Variants in KMT2E observed in about 807,000 individuals in gnomAD.
KMT2E encodes lysine methyltransferase 2E (inactive), also known as histone reader KMT2E.
A neutral mutation model predicts 184.6 loss-of-function variants in KMT2E; 30 were observed. The ratio of observed to expected loss-of-function variants is 0.16; its 90% CI spans 0.12 to 0.22. KMT2E has a LOEUF of 0.22. Ranked by LOEUF, KMT2E falls within the 10% of genes least tolerant of loss-of-function variation. The probability of loss-of-function intolerance (pLI) is 1.00; values close to 1 mark genes in which losing one functional copy is unlikely to be tolerated. For synonymous variants in KMT2E, 815 were observed against 776.5 expected, an observed-to-expected ratio of 1.05 and a Z score of -0.82; for missense variants, 2,023 against 2,237.4, an observed-to-expected ratio of 0.90 and a Z score of 1.93.
At chr7:105,016,877 A>G (rs1380905812) in intron 1 of KMT2E, among the ~76,000 whole-genome samples, 1 of 152,246 alleles carries the variant, frequency 6.6e-6, no homozygotes, top group Non-Finnish European at 1.5e-5. Flanking sequence ...AATTAGAGAA[A>G]TAACTGGCTC....
At chr7:105,022,398 G>T (rs1007064676) in intron 1 of KMT2E, among the ~76,000 whole-genome samples, 1 of 151,810 alleles carries the variant, frequency 6.6e-6, no homozygotes, top group African/African-American at 2.4e-5. Context: ...TGGTCTTAAG[G>T]TTTCTTCATT....
intron 6 of KMT2E, among the ~76,000 whole-genome samples, chr7:105,068,631 T>C (rs896165225): frequency 7.4e-6 from 1 of 135,180 alleles, no homozygotes; most frequent in Non-Finnish European, 1.5e-5. Context: ...GTGGTTTTTT[T>C]TTTTTTTGTT....
At chr7:105,027,252 TA>T (rs978753111) in intron 1 of KMT2E, among the ~76,000 whole-genome samples, 2 of 151,868 alleles carry the variant, frequency 1.3e-5, no homozygotes, top group African/African-American at 4.8e-5. Flanking sequence ...CTGGCTAATT[TA>T]AAACAAATTT....
Position 105,077,038 on chromosome 7 carries a change from G to A in KMT2E, c.844G>A (p.Asp282Asn). The change falls in exon 10 of 27, where the codon GAT (aspartate) becomes AAT (asparagine). Residue 282 changes from aspartate (D) to asparagine (N), a missense_variant. Physicochemically the swap from Asp to Asn is conservative, Grantham distance 23 (BLOSUM62 1). Coordinates refer to ENST00000311117, the MANE Select transcript of KMT2E (RefSeq NM_182931.3). ...GWETKIKAWMDRYEEANNNQY... is the reference protein window; with the variant it reads ...GWETKIKAWMNRYEEANNNQY... ...GGAGACAAAGATCAAAGCATGGATG[G>A]ATCGATATGAAGAAGCAAATAACAA... 1.2e-6 allele frequency: 2 copies of A among 1,613,922 alleles called. No individual in the cohort carries two copies. The highest frequency in any genetic ancestry group is 1.7e-6 in the Non-Finnish European group (2 of 1,179,970).
intron 6 of KMT2E, among the ~76,000 whole-genome samples, chr7:105,068,709 A>T (rs995722509): frequency 4.1e-5 from 6 of 145,348 alleles, no homozygotes; most frequent in African/African-American, 1.6e-4. Context: ...TCTTGGGCTC[A>T]AGCAATCTTC....
chr7:105,075,178 T>C (rs1797477851), intron 8 of KMT2E, among the ~76,000 whole-genome samples: 1 of 151,734 alleles, frequency 6.6e-6, no homozygotes, highest in Admixed American at 6.6e-5. Context: ...ACATAACGGT[T>C]CTTTGCCTCC....
At chr7:105,104,711 C>T (rs1432550298) in intron 17 of KMT2E, 1 of 152,010 alleles carries the variant, frequency 6.6e-6, no homozygotes, top group African/African-American at 2.4e-5. Flanking sequence ...GTGCACTGTC[C>T]TCATCTCCAG....
At chr7:105,022,068 T>C (rs1290574061) in intron 1 of KMT2E, among the ~76,000 whole-genome samples, 3 of 152,176 alleles carry the variant, frequency 2.0e-5, no homozygotes, top group Non-Finnish European at 2.9e-5. Flanking sequence ...TTGCCAGTAG[T>C]ACTAGCCCCC....
chr7:105,082,172 C>G (rs975635679), intron 13 of KMT2E, among the ~76,000 whole-genome samples: 4 of 152,060 alleles, frequency 2.6e-5, no homozygotes, highest in African/African-American at 9.7e-5. Flanking sequence ...CCCCTCAAAA[C>G]AAAAGAAAAT....
intron 17 of KMT2E, chr7:105,104,800 A>G (rs1346297935): frequency 6.6e-6 from 1 of 152,196 alleles, no homozygotes; most frequent in Non-Finnish European, 1.5e-5. Context: ...TCTTATACCT[A>G]TAATAGAAGC....
intron 1 of KMT2E, among the ~76,000 whole-genome samples, chr7:105,018,242 A>G (rs1413058389): frequency 1.3e-5 from 2 of 152,228 alleles, no homozygotes; most frequent in South Asian, 2.1e-4. Flanking sequence ...TTAAATGTGT[A>G]CAACCATAGT....
rs1443149193 is a variant in KMT2E at position 105,090,246 on chromosome 7, A to G, written c.1596A>G (p.Pro532=). 2.7e-5 allele frequency: 43 copies of G among 1,600,942 alleles called. No individual in the cohort carries two copies. The highest frequency in any genetic ancestry group is 3.1e-5 in the Non-Finnish European group (37 of 1,176,806). Residue 532 remains proline, a synonymous_variant, in exon 14 of 27, where the codon CCA becomes CCG. Transcript: ENST00000311117. Reference sequence around the variant, plus strand: ...AAACTAAACAAAGAAAGCTTTCTCCACTGAGACTATCAGTATCAAATAATC... The same window carrying G: ...AAACTAAACAAAGAAAGCTTTCTCCGCTGAGACTATCAGTATCAAATAATC... ...SPETKQRKLS[P]LRLSVSNNQE...
At chr7:105,017,716 G>A (rs559409354) in intron 1 of KMT2E, among the ~76,000 whole-genome samples, 1 of 152,144 alleles carries the variant, frequency 6.6e-6, no homozygotes, top group Admixed American at 6.5e-5. Context: ...AGGATTAGTT[G>A]TTTATCTGTT....
At chr7:105,103,854 G>T (rs1274845760) in intron 17 of KMT2E, 4 of 134,084 alleles carry the variant, frequency 3.0e-5, no homozygotes, top group African/African-American at 5.9e-5. Context: ...TTGAGATGGA[G>T]TTTCGCTCTG....
In KMT2E at chr7:105,112,258, C is replaced by T. The variant is rs1171237438; in HGVS notation, c.4502C>T (p.Pro1501Leu). 6.2e-7 allele frequency: 1 copy of T among 1,614,156 alleles called. No homozygotes were observed. Among genetic ancestry groups the T allele is most frequent in the East Asian group, 2.2e-5 (1 of 44,886 alleles). ...CGAGAGCCTCAAAGAAACTTTTATCCAGCAGCACAGAACCTTCCAGCCAAT... is the reference window on the plus strand; with the variant it reads ...CGAGAGCCTCAAAGAAACTTTTATCTAGCAGCACAGAACCTTCCAGCCAAT... ...PQREPQRNFY[P>L]AAQNLPANTQ... The change falls in exon 27 of 27, where the codon CCA becomes CTA. Residue 1501 changes from proline (P) to leucine (L), a missense_variant. Transcript: ENST00000311117.
chr7:105,033,516 T>C (rs1453889968), intron 1 of KMT2E, among the ~76,000 whole-genome samples: 1 of 152,222 alleles, frequency 6.6e-6, no homozygotes, highest in Non-Finnish European at 1.5e-5. Flanking sequence ...TTTGCTTTTT[T>C]GAGACGGAGT....
chr7:105,043,844 G>A (rs756001742), intron 3 of KMT2E, among the ~76,000 whole-genome samples: 8 of 152,162 alleles, frequency 5.3e-5, no homozygotes, highest in Non-Finnish European at 7.3e-5. Flanking sequence ...TAATTCCAGT[G>A]CTTTGGGAGG....
intron 3 of KMT2E, among the ~76,000 whole-genome samples, chr7:105,052,725 AT>A (rs77486037): frequency 0.066 from 9,792 of 147,832 alleles, 395 homozygotes; most frequent in Middle Eastern, 0.12. Context: ...CACCCAGCTA[AT>A]TTTTTTTTTT....
chr7:105,093,640 C>T (rs976714436), intron 15 of KMT2E, among the ~76,000 whole-genome samples: 2 of 151,994 alleles, frequency 1.3e-5, no homozygotes, highest in Admixed American at 6.6e-5. Flanking sequence ...ACTGAGATCA[C>T]GCCATTGCAC....
Sources: allele counts gnomAD v4.1 joint callset (sites outside exome capture counted in the v4.1 genomes callset), GRCh38; gene constraint gnomAD v4.1.1; transcripts MANE v1.5; gene names NCBI Gene and HGNC (gene_info 2026-07-23, HGNC 2026-07-21).